The following ORC1 variants were observed in gnomAD, a reference collection of about 807,000 sequenced individuals.
ORC1 encodes the protein origin recognition complex subunit 1.
ORC1 carries 61 observed loss-of-function variants against 98.9 expected under a neutral mutation model. The observed-to-expected ratio is 0.62, with a 90% CI of 0.50 to 0.76. The LOEUF (loss-of-function observed/expected upper bound fraction) is 0.76, where lower values mean the gene tolerates loss of function less well. ORC1 is among the 30% of genes least tolerant of loss of function. ORC1 has a pLI of 0.00. For missense variants in ORC1, 979 were observed against 1,072.2 expected (o/e 0.91, Z 1.21); for synonymous variants, 385 against 406.9 (o/e 0.95, Z 0.65).
upstream of ORC1, chr1:52,404,696 C>T (rs1047465747): frequency 1.9e-6 from 3 of 1,582,248 alleles, no homozygotes; most frequent in Non-Finnish European, 2.6e-6. Flanking sequence ...TTTTCTGAAC[C>T]TGGATGTGAG....
intron 3 of ORC1, 145 bp from the exon 4 acceptor site, chr1:52,398,008 G>A: frequency 2.6e-6 from 2 of 762,934 alleles, no homozygotes; most frequent in South Asian, 3.1e-5. Context: ...CTGTCACCCA[G>A]GCTGGAGTGC....
chr1:52,385,252 A>G lies in ORC1; in HGVS notation c.1492T>C (p.Ser498Pro), dbSNP rs752378828. 1 of 1,611,522 alleles carries G rather than the reference A, an allele frequency of 6.2e-7. No individual in the cohort carries two copies. Among genetic ancestry groups the G allele is most frequent in the South Asian group, 1.1e-5 (1 of 91,030 alleles). Reference protein sequence around the residue: ...LEEARLRLHVSAVPESLPCRE... With the variant: ...LEEARLRLHVPAVPESLPCRE... ...CAGGGAAGAGACTCAGGTACAGCAGAAACATGCAGCCTACCATTGGTGGTA... is the reference window on the plus strand; with the variant it reads ...CAGGGAAGAGACTCAGGTACAGCAGGAACATGCAGCCTACCATTGGTGGTA... The change falls in exon 10 of 17, where the codon TCT (serine) becomes CCT (proline). Residue 498 changes from serine (S) to proline (P), a missense_variant. Ser to Pro is a moderately conservative substitution (Grantham distance 74, BLOSUM62 -1). Coordinates refer to ENST00000371568, the MANE Select transcript of ORC1 (RefSeq NM_004153.4).
intron 14 of ORC1, among the ~76,000 whole-genome samples, chr1:52,376,641 C>T (rs1212763608): frequency 6.6e-6 from 1 of 152,102 alleles, no homozygotes; most frequent in Non-Finnish European, 1.5e-5. Context: ...CCTCCCCTCC[C>T]ATTACCACCT....
chr1:52,399,623 CA>C (rs1198516466), intron 3 of ORC1, among the ~76,000 whole-genome samples: 22,644 of 64,192 alleles, frequency 0.35, 2,755 homozygotes, highest in African/African-American at 0.54. Context: ...GACTCTGTCT[CA>C]AAAAAAAAAA....
chr1:52,373,181 T>C lies in ORC1; in HGVS notation c.2586A>G (p.Ter862=), dbSNP rs1646955183. 6.2e-7 allele frequency: 1 copy of C among 1,613,658 alleles called. No individual in the cohort carries two copies. Among genetic ancestry groups the C allele is most frequent in the African/African-American group, 1.3e-5 (1 of 74,890 alleles). Residue 862 remains the stop codon, a stop_retained_variant, in exon 17 of 17, where the codon TAA becomes TAG. Coordinates refer to ENST00000371568, the MANE Select transcript of ORC1 (RefSeq NM_004153.4). The stretch of plus-strand genomic sequence containing the variant: ...CAGTCTTTTAACTTGTGAAGCCCCT[T>C]TACTCGTCTTTCAGCGCATACAGCA... ...DDVLYALKDE[*] is the part of the protein sequence containing the mutation.
chr1:52,385,464 C>T (rs984136728), intron 9 of ORC1, among the ~76,000 whole-genome samples: 1 of 152,188 alleles, frequency 6.6e-6, no homozygotes, highest in African/African-American at 2.4e-5. Flanking sequence ...CCACCCAAAT[C>T]ACATGGGTGG....
chr1:52,383,162 G>C (rs1232015716), intron 13 of ORC1, among the ~76,000 whole-genome samples: 1 of 152,012 alleles, frequency 6.6e-6, no homozygotes, highest in East Asian at 2.0e-4. Context: ...TCTGCCTCCG[G>C]AGTTCAAGCA....
At chr1:52,378,385 T>A (rs1314393918) in intron 14 of ORC1, among the ~76,000 whole-genome samples, 1 of 145,804 alleles carries the variant, frequency 6.9e-6, no homozygotes, top group Non-Finnish European at 1.5e-5. Context: ...TCTGGCCAGG[T>A]GCAGTGGCTC....
upstream of ORC1, chr1:52,404,616 C>A: frequency 1.0e-6 from 1 of 954,442 alleles, no homozygotes; most frequent in African/African-American, 1.6e-5. Flanking sequence ...TACGGTGTTT[C>A]CGGCTTCAAG....
intron 6 of ORC1, among the ~76,000 whole-genome samples, chr1:52,391,354 A>T (rs1647208879): frequency 6.6e-6 from 1 of 152,064 alleles, no homozygotes; most frequent in Non-Finnish European, 1.5e-5. Flanking sequence ...CATTGGAAAA[A>T]GTCTTCTAGA....
intron 4 of ORC1, among the ~76,000 whole-genome samples, chr1:52,397,244 A>G (rs542542809): frequency 4.8e-4 from 73 of 152,296 alleles, no homozygotes; most frequent in African/African-American, 1.8e-3. Context: ...GACTTACTTC[A>G]GCCTGCAAAC....
At chr1:52,402,436 G>A (rs1449798733) in intron 1 of ORC1, among the ~76,000 whole-genome samples, 1 of 152,158 alleles carries the variant, frequency 6.6e-6, no homozygotes, top group Non-Finnish European at 1.5e-5. Flanking sequence ...TATCATCTGT[G>A]TCCATCTTGT....
At chr1:52,394,427 C>T (rs1468278288) in intron 5 of ORC1, among the ~76,000 whole-genome samples, 3 of 152,154 alleles carry the variant, frequency 2.0e-5, no homozygotes, top group African/African-American at 7.2e-5. Context: ...GAGGCTCAAT[C>T]CTGGTTCCAA....
In ORC1 at chr1:52,384,784, T is replaced by A. The variant is rs1378668353; in HGVS notation, c.1584-63A>T. ...GCCAGCCACTACACGTTATAATCAG[T>A]TAGGAGTGTGGGAATGTATACTGAG... On this transcript the variant is annotated intron_variant, in intron 10 of 16. Transcript: ENST00000371568. The A allele has an allele frequency of 7.1e-6, 10 of 1,416,016 alleles. No homozygotes were observed. The South Asian group carries it at 1.1e-4, about 15-fold the overall frequency. 87.7% of individuals were successfully genotyped at this position (1,416,016 alleles called of 1,614,324 possible). A position where few individuals can be genotyped will look rare whatever the true frequency, so the allele number is the denominator to read the frequency against.
At chr1:52,393,862 C>T in intron 5 of ORC1, 59 bp from the exon 6 acceptor site, 1 of 1,564,730 alleles carries the variant, frequency 6.4e-7, no homozygotes, top group Non-Finnish European at 8.7e-7. Flanking sequence ...AACCCACAAT[C>T]TCATCACAGC....
chr1:52,390,081 T>C (rs1295332665), intron 6 of ORC1, among the ~76,000 whole-genome samples: 1 of 152,160 alleles, frequency 6.6e-6, no homozygotes, highest in Non-Finnish European at 1.5e-5. Flanking sequence ...CATGGATGGG[T>C]AGAATCAATA....
rs1038448762 is a variant in ORC1, at chr1:52,374,790, T to A, written c.2391+20A>T. ...CGTAAGTCCAAAATCTAGAAGGATT[T>A]GAAAAGAGGAGGAGATCACCTGTTG... On this transcript the variant is annotated intron_variant, in intron 16 of 16. Transcript: ENST00000371568. 3 of 1,563,092 alleles carry A rather than the reference T, an allele frequency of 1.9e-6. No individual in the cohort carries two copies. Among genetic ancestry groups the A allele is most frequent in the Admixed American group, 3.3e-5 (2 of 59,876 alleles).
rs1455196998 is a variant in ORC1 at position 52,383,438 on chromosome 1, G to T, written c.1995C>A (p.Asn665Lys). Residue 665 changes from asparagine to lysine, a missense_variant, in exon 13 of 17, where the codon AAC (asparagine) becomes AAA (lysine). Physicochemically the swap from Asn to Lys is moderately conservative, Grantham distance 94. Coordinates refer to ENST00000371568, the MANE Select transcript of ORC1 (RefSeq NM_004153.4). ...AACCTACCAGTCGGCTGGACACCCG[G>T]TTCATCATGATTCGCTCTGGCAGGT... is the stretch of plus-strand genomic sequence containing the variant. ...TMDLPERIMM[N>K]RVSSRLGLTR... The T allele has an allele frequency of 6.2e-7, 1 of 1,612,772 alleles. No homozygotes were observed.
intron 15 of ORC1, 45 bp downstream of exon 15, chr1:52,375,385 G>C: frequency 3.2e-6 from 5 of 1,583,348 alleles, no homozygotes; most frequent in Non-Finnish European, 4.3e-6. Context: ...AGGGAAACAT[G>C]TTTCTACAGC....
Sources: allele counts gnomAD v4.1 joint callset (sites outside exome capture counted in the v4.1 genomes callset), GRCh38; gene constraint gnomAD v4.1.1; transcripts MANE v1.5; gene names NCBI Gene and HGNC (gene_info 2026-07-23, HGNC 2026-07-21).